The following IPMK variants were observed in gnomAD, a reference collection of about 807,000 sequenced individuals.
The protein encoded by IPMK is inositol 1,3,4,6-tetrakisphosphate 5-kinase.
A neutral mutation model predicts 45.8 loss-of-function variants in IPMK; 17 were observed. The observed-to-expected ratio is 0.37, with a 90% CI of 0.25 to 0.56. The LOEUF is 0.56. IPMK is among the 20% of genes least tolerant of loss of function. The probability of loss-of-function intolerance (pLI) is 0.79; values close to 1 mark genes in which losing one functional copy is unlikely to be tolerated. For synonymous variants in IPMK, 180 were observed against 184.3 expected (o/e 0.98, Z 0.19); for missense variants, 399 against 498.0 (o/e 0.80, Z 1.89).
chr10:58,226,996 T>C, intron 3 of IPMK, 47 bp downstream of exon 3: 3 of 1,303,062 alleles, frequency 2.3e-6, no homozygotes, highest in South Asian at 2.4e-5. Context: ...TTAAAGAAGC[T>C]ACACTCATGA....
At chr10:58,214,702 A>AT (rs1364408111) in intron 4 of IPMK, among the ~76,000 whole-genome samples, 1 of 152,256 alleles carries the variant, frequency 6.6e-6, no homozygotes, top group Non-Finnish European at 1.5e-5. Context: ...GAAGATCCAT[A>AT]TATCATTTTA....
intron 2 of IPMK, among the ~76,000 whole-genome samples, chr10:58,234,992 A>T (rs959095223): frequency 1.3e-5 from 2 of 152,244 alleles, no homozygotes; most frequent in African/African-American, 4.8e-5. Flanking sequence ...CAACCCCATC[A>T]AAAAGGGGGC....
At chr10:58,247,938 C>A (rs1257647235) in intron 1 of IPMK, among the ~76,000 whole-genome samples, 1 of 152,134 alleles carries the variant, frequency 6.6e-6, no homozygotes, top group Non-Finnish European at 1.5e-5. Context: ...TAGTGGATAT[C>A]CACAGCTTGC....
chr10:58,257,041 G>C (rs1481386518), intron 1 of IPMK, among the ~76,000 whole-genome samples: 2 of 152,200 alleles, frequency 1.3e-5, no homozygotes, highest in African/African-American at 4.8e-5. Context: ...GCTCTGGTCT[G>C]AGTGTAAAAG....
chr10:58,221,982 C>T (rs891926818), intron 3 of IPMK, among the ~76,000 whole-genome samples: 1 of 152,138 alleles, frequency 6.6e-6, no homozygotes, highest in Non-Finnish European at 1.5e-5. Flanking sequence ...CTCCTGACCT[C>T]AGGTGATCCA....
intron 1 of IPMK, among the ~76,000 whole-genome samples, chr10:58,259,671 TAAAA>T (rs560813021): frequency 8.1e-5 from 7 of 86,766 alleles, no homozygotes; most frequent in African/African-American, 3.8e-4. Flanking sequence ...CATCTCTACA[TAAAA>T]AAAAAAAAAA....
chr10:58,219,876 G>A (rs1838305335), intron 3 of IPMK, among the ~76,000 whole-genome samples: 1 of 152,124 alleles, frequency 6.6e-6, no homozygotes, highest in Non-Finnish European at 1.5e-5. Context: ...ATGCCCTAAA[G>A]GCCCAGTGTT....
At chr10:58,261,124 G>C (rs1209220273) in intron 1 of IPMK, among the ~76,000 whole-genome samples, 1 of 145,608 alleles carries the variant, frequency 6.9e-6, no homozygotes, top group South Asian at 2.2e-4. Context: ...AAAAAAATGA[G>C]GAGGAACTCT....
At chr10:58,266,858 A>C (rs565190639) in intron 1 of IPMK, among the ~76,000 whole-genome samples, 3 of 152,258 alleles carry the variant, frequency 2.0e-5, no homozygotes, top group Non-Finnish European at 4.4e-5. Context: ...CTCCCAGAGA[A>C]ATCAAGGAGA....
intron 1 of IPMK, among the ~76,000 whole-genome samples, chr10:58,247,351 C>A (rs1259640425): frequency 6.6e-6 from 1 of 151,416 alleles, no homozygotes; most frequent in African/African-American, 2.5e-5. Context: ...AAGACACATG[C>A]ACACGTATGT....
chr10:58,225,341 T>C (rs2790236), intron 3 of IPMK, among the ~76,000 whole-genome samples: 51,432 of 151,996 alleles, frequency 0.34, 10,946 homozygotes, highest in African/African-American at 0.61. Flanking sequence ...AAGTTCACAA[T>C]ATTTGTAAAT....
chr10:58,254,333 G>T (rs980126673), intron 1 of IPMK, among the ~76,000 whole-genome samples: 1 of 151,926 alleles, frequency 6.6e-6, no homozygotes, highest in Non-Finnish European at 1.5e-5. Context: ...ACCTTTTAAT[G>T]AGTTTTTGCA....
At chr10:58,257,571 A>C (rs1838991284) in intron 1 of IPMK, among the ~76,000 whole-genome samples, 1 of 152,206 alleles carries the variant, frequency 6.6e-6, no homozygotes, top group Admixed American at 6.5e-5. Context: ...TACTGAGAAA[A>C]TATTTGACAA....
At chr10:58,254,677 G>T (rs1320364887) in intron 1 of IPMK, among the ~76,000 whole-genome samples, 1 of 152,156 alleles carries the variant, frequency 6.6e-6, no homozygotes, top group East Asian at 1.9e-4. Flanking sequence ...GTTTTTGCAG[G>T]TGTTCCTTAT....
chr10:58,261,847 A>G (rs967926705), intron 1 of IPMK, among the ~76,000 whole-genome samples: 1 of 152,208 alleles, frequency 6.6e-6, no homozygotes, highest in Non-Finnish European at 1.5e-5. Context: ...TACAGGCATG[A>G]GCCACCGTGC....
chr10:58,201,934 A>G (rs1564527552), intron 4 of IPMK, among the ~76,000 whole-genome samples: 2 of 152,238 alleles, frequency 1.3e-5, no homozygotes, highest in Non-Finnish European at 2.9e-5. Flanking sequence ...CATTACCTCA[A>G]GTCAAAGCCT....
intron 1 of IPMK, among the ~76,000 whole-genome samples, chr10:58,240,657 G>GAA (rs200716414): frequency 3.5e-5 from 4 of 114,036 alleles, no homozygotes; most frequent in African/African-American, 6.3e-5. Context: ...CATACACCAC[G>GAA]AAAAAAAAAA....
At chr10:58,223,571 G>A (rs1838369403) in intron 3 of IPMK, among the ~76,000 whole-genome samples, 1 of 152,042 alleles carries the variant, frequency 6.6e-6, no homozygotes, top group Non-Finnish European at 1.5e-5. Context: ...AATCTACTAG[G>A]TATCAGCTAC....
chr10:58,228,235 G>A (rs1838451266), intron 2 of IPMK, among the ~76,000 whole-genome samples: 1 of 152,084 alleles, frequency 6.6e-6, no homozygotes, highest in Admixed American at 6.6e-5. Context: ...AGATCTCTGT[G>A]TACTGATCTA....
Sources: gnomAD v4.1 joint callset for allele counts (sites outside exome capture counted in the v4.1 genomes callset) on GRCh38, gnomAD v4.1.1 for gene constraint, MANE v1.5 for transcripts, NCBI Gene and HGNC (gene_info 2026-07-23, HGNC 2026-07-21) for gene names.